RYK: variants seen among roughly 807,000 people sequenced by gnomAD.
The protein encoded by RYK is receptor like tyrosine kinase.
RYK carries 21 observed loss-of-function variants against 70.2 expected under a neutral mutation model. The observed-to-expected ratio is 0.30, with a 90% CI of 0.21 to 0.43. RYK has a LOEUF of 0.43. Among genes scored for constraint, RYK ranks in the 20% least tolerant of loss-of-function variants. RYK has a pLI of 1.00. For missense variants in RYK, 604 were observed against 753.3 expected, an observed-to-expected ratio of 0.80 and a Z score of 2.32; for synonymous variants, 267 against 278.0, an observed-to-expected ratio of 0.96 and a Z score of 0.39.
At chr3:134,175,046 G>T (rs2013050320) in intron 13 of RYK, among the ~76,000 whole-genome samples, 1 of 152,158 alleles carries the variant, frequency 6.6e-6, no homozygotes. Flanking sequence ...TGTTAATAGT[G>T]CTTCTGTCAA....
intron 10 of RYK, among the ~76,000 whole-genome samples, chr3:134,182,564 C>T (rs1418485173): frequency 6.6e-6 from 1 of 151,932 alleles, no homozygotes; most frequent in East Asian, 1.9e-4. Flanking sequence ...ACATACACAA[C>T]ACAGAAAATA....
intron 3 of RYK, 71 bp from the exon 4 acceptor site, chr3:134,209,900 T>C (rs2014335417): frequency 9.1e-7 from 1 of 1,100,788 alleles, no homozygotes; most frequent in African/African-American, 1.7e-5. Flanking sequence ...AAATGATTCT[T>C]TTAAACATTT....
intron 9 of RYK, among the ~76,000 whole-genome samples, chr3:134,184,726 C>G (rs1241112983): frequency 6.6e-6 from 1 of 152,016 alleles, no homozygotes; most frequent in African/African-American, 2.4e-5. Context: ...GATTGCACCA[C>G]TGCACTCCAG....
intron 3 of RYK, among the ~76,000 whole-genome samples, chr3:134,211,281 G>T (rs2014383914): frequency 6.6e-6 from 1 of 152,196 alleles, no homozygotes; most frequent in Non-Finnish European, 1.5e-5. Context: ...CAGCAATGCA[G>T]AAAAAGAGAC....
intron 2 of RYK, among the ~76,000 whole-genome samples, chr3:134,218,715 A>G (rs375952863): frequency 9.2e-5 from 14 of 152,338 alleles, no homozygotes; most frequent in African/African-American, 3.1e-4. Flanking sequence ...GCTTTATTCC[A>G]GTAGCAACAG....
At chr3:134,246,010 C>T (rs1419951926) in intron 1 of RYK, among the ~76,000 whole-genome samples, 1 of 151,858 alleles carries the variant, frequency 6.6e-6, no homozygotes, top group Non-Finnish European at 1.5e-5. Flanking sequence ...AATGAATAAC[C>T]ACACTGGAGG....
At chr3:134,223,475 AAAAC>A (rs1383658034) in intron 1 of RYK, among the ~76,000 whole-genome samples, 1 of 152,216 alleles carries the variant, frequency 6.6e-6, no homozygotes, top group Non-Finnish European at 1.5e-5. Context: ...AGTTATCAAA[AAAAC>A]AAAAGAAAAA....
chr3:134,168,689 C>T (rs1043802982), intron 13 of RYK, among the ~76,000 whole-genome samples: 10 of 151,904 alleles, frequency 6.6e-5, no homozygotes, highest in African/African-American at 2.4e-4. Context: ...TTAATGGGTG[C>T]AGCACACCAA....
chr3:134,206,971 C>T (rs2014230567), intron 5 of RYK, among the ~76,000 whole-genome samples: 1 of 151,624 alleles, frequency 6.6e-6, no homozygotes, highest in Non-Finnish European at 1.5e-5. Context: ...CCAACGATGT[C>T]TTCATGTCAG....
At chr3:134,206,865 G>C (rs1295460270) in intron 5 of RYK, among the ~76,000 whole-genome samples, 3 of 151,850 alleles carry the variant, frequency 2.0e-5, no homozygotes, top group Non-Finnish European at 4.4e-5. Context: ...TATACTTGAA[G>C]TTTTCAAAAC....
intron 9 of RYK, among the ~76,000 whole-genome samples, chr3:134,185,239 A>C (rs568341378): frequency 6.6e-6 from 1 of 152,316 alleles, no homozygotes; most frequent in East Asian, 1.9e-4. Flanking sequence ...CATATTCTAG[A>C]CCCACCTAGG....
intron 1 of RYK, among the ~76,000 whole-genome samples, chr3:134,234,993 C>T (rs112461251): frequency 8.5e-4 from 130 of 152,118 alleles, no homozygotes; most frequent in African/African-American, 3.0e-3. Flanking sequence ...AGATGGTACT[C>T]TATAGGAAAT....
chr3:134,247,690 G>A (rs552004910), intron 1 of RYK, among the ~76,000 whole-genome samples: 10 of 144,122 alleles, frequency 6.9e-5, no homozygotes, highest in South Asian at 4.4e-4. Context: ...CAACAAGAGC[G>A]AAACTCCGTC....
intron 1 of RYK, among the ~76,000 whole-genome samples, chr3:134,244,375 T>C (rs1167349563): frequency 6.6e-6 from 1 of 152,168 alleles, no homozygotes; most frequent in Non-Finnish European, 1.5e-5. Flanking sequence ...CAAGCACCTG[T>C]GGCAGGAGGC....
chr3:134,219,501 C>T (rs111396329), intron 2 of RYK, among the ~76,000 whole-genome samples: 130 of 152,346 alleles, frequency 8.5e-4, no homozygotes, highest in African/African-American at 3.0e-3. Flanking sequence ...TATTCACACT[C>T]TGTTCAAAGT....
chr3:134,166,965 C>G (rs1480059782), intron 13 of RYK, among the ~76,000 whole-genome samples: 1 of 152,120 alleles, frequency 6.6e-6, no homozygotes, highest in Non-Finnish European at 1.5e-5. Context: ...TTCTTAAAGT[C>G]TGAAATAATC....
chr3:134,174,899 A>C (rs1180842757), intron 13 of RYK, among the ~76,000 whole-genome samples: 1 of 152,206 alleles, frequency 6.6e-6, no homozygotes, highest in Non-Finnish European at 1.5e-5. Context: ...ACCTGAAAAA[A>C]AGAAAACATC....
chr3:134,243,014 GGCCC>G (rs2015367339), intron 1 of RYK, among the ~76,000 whole-genome samples: 1 of 152,124 alleles, frequency 6.6e-6, no homozygotes, highest in African/African-American at 2.4e-5. Flanking sequence ...CCAGGATCTG[GGCCC>G]TCTGGCAGGT....
At chr3:134,174,861 T>C (rs990881433) in intron 13 of RYK, among the ~76,000 whole-genome samples, 51 of 151,972 alleles carry the variant, frequency 3.4e-4, no homozygotes, top group African/African-American at 1.2e-3. Flanking sequence ...TTTACAAATT[T>C]TATGAGCCAT....
Sources: gnomAD v4.1 joint callset for allele counts (sites outside exome capture counted in the v4.1 genomes callset) on GRCh38, gnomAD v4.1.1 for gene constraint, MANE v1.5 for transcripts, NCBI Gene and HGNC (gene_info 2026-07-23, HGNC 2026-07-21) for gene names.